ADGRL3: variants seen among roughly 807,000 people sequenced by gnomAD.
ADGRL3 encodes calcium-independent alpha-latrotoxin receptor 3.
A neutral mutation model predicts 153.5 loss-of-function variants in ADGRL3; 62 were observed. That is an observed-to-expected ratio of 0.40 (90% CI 0.33 to 0.50). The LOEUF (loss-of-function observed/expected upper bound fraction) is 0.50. ADGRL3 is among the 20% of genes least tolerant of loss of function. ADGRL3 has a pLI of 0.47. For synonymous variants in ADGRL3, 710 were observed against 672.5 expected (o/e 1.06, Z -0.86); for missense variants, 1,641 against 1,859.4 (o/e 0.88, Z 2.16).
chr4:61,947,115 A>G lies in ADGRL3; in HGVS notation c.2621A>G (p.His874Arg), dbSNP rs1320427673. The stretch of plus-strand genomic sequence containing the variant: ...GATCCTGTGGTATTTACTGTTAAAC[A>G]TATCAAGGTAAGAAAATGGCATATT... ...LADPVVFTVK[H>R]IKQSEENFNP... Residue 874 changes from histidine to arginine, a missense_variant, in exon 16 of 27, where the codon CAT becomes CGT. Coordinates refer to ENST00000683033, the MANE Select transcript of ADGRL3 (RefSeq NM_001387552.1). 5 of 1,612,448 alleles carry G rather than the reference A, an allele frequency of 3.1e-6. No individual in the cohort carries two copies. The South Asian group carries it at 4.4e-5, about 14-fold the overall frequency.
chr4:61,553,794 C>G (rs2098751631), intron 4 of ADGRL3, among the ~76,000 whole-genome samples: 1 of 152,028 alleles, frequency 6.6e-6, no homozygotes, highest in African/African-American at 2.4e-5. Flanking sequence ...GGTCCAAGCT[C>G]TCTAAACTTC....
chr4:62,045,968 T>C (rs929696706), intron 25 of ADGRL3, among the ~76,000 whole-genome samples: 8 of 151,994 alleles, frequency 5.3e-5, no homozygotes, highest in Non-Finnish European at 1.2e-4. Flanking sequence ...AAAATTTCTT[T>C]TAATATGAGT....
At chr4:61,281,214 T>G (rs1368564321) in intron 1 of ADGRL3, among the ~76,000 whole-genome samples, 1 of 152,146 alleles carries the variant, frequency 6.6e-6, no homozygotes, top group Non-Finnish European at 1.5e-5. Flanking sequence ...GTAGCCATTT[T>G]TAAAAGGTAG....
At chr4:61,693,300 T>A (rs772276875) in intron 6 of ADGRL3, among the ~76,000 whole-genome samples, 1 of 152,080 alleles carries the variant, frequency 6.6e-6, no homozygotes, top group Non-Finnish European at 1.5e-5. Flanking sequence ...AGTGTCATGT[T>A]CACCTTTCTA....
chr4:61,706,253 C>A (rs2095855727), intron 6 of ADGRL3, among the ~76,000 whole-genome samples: 1 of 151,982 alleles, frequency 6.6e-6, no homozygotes, highest in African/African-American at 2.4e-5. Context: ...AACCTCATCT[C>A]TACTAAAAAC....
intron 1 of ADGRL3, among the ~76,000 whole-genome samples, chr4:61,268,970 C>T (rs773085979): frequency 6.6e-6 from 1 of 151,650 alleles, no homozygotes; most frequent in Non-Finnish European, 1.5e-5. Flanking sequence ...GTAAGTGATA[C>T]TATATCCACT....
intron 9 of ADGRL3, among the ~76,000 whole-genome samples, chr4:61,854,166 A>G (rs2098238368): frequency 6.6e-6 from 1 of 152,168 alleles, no homozygotes; most frequent in African/African-American, 2.4e-5. Flanking sequence ...TGAAATTGTA[A>G]TGGAGGGCAT....
intron 8 of ADGRL3, among the ~76,000 whole-genome samples, chr4:61,764,321 G>A (rs1205722401): frequency 6.6e-6 from 1 of 152,022 alleles, no homozygotes; most frequent in Non-Finnish European, 1.5e-5. Flanking sequence ...AAGAGAGTCA[G>A]CGAAGGGAGA....
At chr4:61,452,779 G>T (rs943365526) in intron 2 of ADGRL3, among the ~76,000 whole-genome samples, 2 of 151,984 alleles carry the variant, frequency 1.3e-5, no homozygotes, top group Non-Finnish European at 2.9e-5. Flanking sequence ...ACTTTCTTTA[G>T]ATAACAGAAT....
intron 25 of ADGRL3, among the ~76,000 whole-genome samples, chr4:62,064,781 T>C (rs1387568795): frequency 6.6e-6 from 1 of 152,042 alleles, no homozygotes; most frequent in East Asian, 1.9e-4. Flanking sequence ...ACAAGGCCAT[T>C]GTGTGTCTAA....
intron 5 of ADGRL3, among the ~76,000 whole-genome samples, chr4:61,631,502 A>G (rs2093164253): frequency 6.6e-6 from 1 of 152,178 alleles, no homozygotes; most frequent in Non-Finnish European, 1.5e-5. Flanking sequence ...CTGGTGTTGT[A>G]TAGATCAACG....
intron 3 of ADGRL3, among the ~76,000 whole-genome samples, chr4:61,513,093 C>A (rs1176522822): frequency 6.6e-6 from 1 of 152,082 alleles, no homozygotes; most frequent in Non-Finnish European, 1.5e-5. Flanking sequence ...TTTAGCATTT[C>A]TCTCATTATA....
intron 8 of ADGRL3, among the ~76,000 whole-genome samples, chr4:61,736,742 T>C (rs2151865623): frequency 6.6e-6 from 1 of 152,354 alleles, no homozygotes; most frequent in South Asian, 2.1e-4. Flanking sequence ...AATGAATTCG[T>C]AACTTAAGTC....
At chr4:61,776,185 C>T (rs571676498) in intron 8 of ADGRL3, among the ~76,000 whole-genome samples, 1 of 152,294 alleles carries the variant, frequency 6.6e-6, no homozygotes, top group South Asian at 2.1e-4. Flanking sequence ...CAGGCGTGAG[C>T]CACGGCGCCA....
chr4:61,936,627 A>C (rs2098839543), intron 15 of ADGRL3, among the ~76,000 whole-genome samples: 1 of 152,114 alleles, frequency 6.6e-6, no homozygotes, highest in Admixed American at 6.6e-5. Flanking sequence ...ATATTAAAAA[A>C]TGTTTAAACG....
At chr4:61,805,469 G>C (rs1285053536) in intron 8 of ADGRL3, among the ~76,000 whole-genome samples, 1 of 152,056 alleles carries the variant, frequency 6.6e-6, no homozygotes, top group African/African-American at 2.4e-5. Context: ...CTGGTTTATA[G>C]TTTTACTCTT....
intron 5 of ADGRL3, among the ~76,000 whole-genome samples, chr4:61,635,422 C>G (rs1259518381): frequency 6.6e-6 from 1 of 152,050 alleles, no homozygotes; most frequent in African/African-American, 2.4e-5. Flanking sequence ...GAGATAAATC[C>G]CACAGGTGTT....
At chr4:61,315,463 T>C (rs534637514) in intron 1 of ADGRL3, among the ~76,000 whole-genome samples, 1 of 152,152 alleles carries the variant, frequency 6.6e-6, no homozygotes, top group African/African-American at 2.4e-5. Flanking sequence ...GCTCAGGATG[T>C]TAGGCAAGGG....
At chr4:61,285,582 CAGTT>C (rs2093905772) in intron 1 of ADGRL3, among the ~76,000 whole-genome samples, 1 of 151,924 alleles carries the variant, frequency 6.6e-6, no homozygotes, top group African/African-American at 2.4e-5. Flanking sequence ...CGATTCAAGA[CAGTT>C]AGGCATTGTT....
Sources: gnomAD v4.1 joint callset for allele counts (sites outside exome capture counted in the v4.1 genomes callset) on GRCh38, gnomAD v4.1.1 for gene constraint, MANE v1.5 for transcripts, NCBI Gene and HGNC (gene_info 2026-07-23, HGNC 2026-07-21) for gene names.